XK: variants seen among roughly 807,000 people sequenced by gnomAD.
XK encodes the protein X-linked Kx blood group antigen, Kell and VPS13A binding protein, also known as endoplasmic reticulum membrane adapter protein XK.
XK carries 2 observed loss-of-function variants against 14.0 expected under a neutral mutation model. That is an observed-to-expected ratio of 0.14 (90% CI 0.06 to 0.45). The LOEUF (loss-of-function observed/expected upper bound fraction) is 0.45. XK is among the 20% of genes least tolerant of loss of function. XK has a pLI of 0.98. For synonymous variants in XK, 149 were observed against 147.5 expected, an observed-to-expected ratio of 1.01 and a Z score of -0.08; for missense variants, 235 against 341.5, an observed-to-expected ratio of 0.69 and a Z score of 2.46.
chrX:37,711,325 C>T (rs782059800), intron 2 of XK, among the ~76,000 whole-genome samples: 5 of 112,025 alleles, frequency 4.5e-5, no homozygotes, highest in Non-Finnish European at 9.4e-5. Flanking sequence ...TATCCTATCT[C>T]GAGCATGTGT....
At position 37,728,475 on chromosome X, in the gene XK, T is replaced by A; in HGVS notation, c.*13T>A. On this transcript the variant is annotated 3_prime_UTR_variant, in exon 3 of 3. Coordinates refer to ENST00000378616, the MANE Select transcript of XK (RefSeq NM_021083.4). ...CTGCTCTGCTTAATGGGACCCAAGG[T>A]CTCAGAGCACAGGCATATTATTTTC... 2 of 1,197,008 alleles carry A rather than the reference T, an allele frequency of 1.7e-6. No individual in the cohort carries two copies. Among genetic ancestry groups the A allele is most frequent in the Non-Finnish European group, 2.3e-6 (2 of 886,318 alleles).
chrX:37,718,905 G>T lies in XK; in HGVS notation c.509-8731G>T, dbSNP rs537871419. Reference sequence around the variant, plus strand: ...GTGAAATGACTGTTCAGGTATTTTCGCTCATTACAAAACTGAGTTGTATTT... The same window carrying T: ...GTGAAATGACTGTTCAGGTATTTTCTCTCATTACAAAACTGAGTTGTATTT... On this transcript the variant is annotated intron_variant, in intron 2 of 2. Coordinates refer to ENST00000378616, the MANE Select transcript of XK (RefSeq NM_021083.4). 2.7e-5 allele frequency among the ~76,000 whole-genome samples: 3 copies of T among 110,836 alleles called. No individual in the cohort carries two copies. The East Asian group carries it at 8.5e-4, about 31-fold the overall frequency.
Position 37,686,117 on chromosome X carries a change from G to A in XK, c.156G>A (p.Gln52=). ...CGCTACTGCCTTGCGCGCTCGTGCAGCTCACGCTTCTCTTCGTACACCGCG... is the reference window on the plus strand; with the variant it reads ...CGCTACTGCCTTGCGCGCTCGTGCAACTCACGCTTCTCTTCGTACACCGCG... ...LFSLLPCALV[Q]LTLLFVHRDL... Residue 52 remains glutamine (Q), a synonymous_variant, in exon 1 of 3, where the codon CAG becomes CAA. Coordinates refer to ENST00000378616, the MANE Select transcript of XK (RefSeq NM_021083.4). The A allele has an allele frequency of 2.5e-6, 3 of 1,211,277 alleles. No homozygotes were observed. Among genetic ancestry groups the A allele is most frequent in the Non-Finnish European group, 3.4e-6 (3 of 895,279 alleles).
intron 2 of XK, among the ~76,000 whole-genome samples, chrX:37,715,104 GTATA>G (rs1182651525): frequency 7.2e-4 from 78 of 108,649 alleles, no homozygotes; most frequent in Non-Finnish European, 1.2e-3. Flanking sequence ...GTGTGTGTGT[GTATA>G]TATATATATT....
chrX:37,719,548 G>A (rs1556448505), intron 2 of XK, among the ~76,000 whole-genome samples: 1 of 110,438 alleles, frequency 9.1e-6, no homozygotes, highest in African/African-American at 3.3e-5. Flanking sequence ...ACCTTCTAGT[G>A]AGTACTAATT....
chrX:37,730,088 C>T lies in XK; in HGVS notation c.*1626C>T, dbSNP rs1928056692. 9.0e-6 allele frequency: 1 copy of T among 111,544 alleles called. No individual in the cohort carries two copies. Among genetic ancestry groups the T allele is most frequent in the South Asian group, 3.7e-4 (1 of 2,685 alleles). The allele number at this position is 111,544 out of a possible 1,213,427, so 9.2% of individuals were successfully genotyped here. A position where few individuals can be genotyped will look rare whatever the true frequency, so the allele number is the denominator to read the frequency against. On this transcript the variant is annotated 3_prime_UTR_variant, in exon 3 of 3. Coordinates refer to ENST00000378616, the MANE Select transcript of XK (RefSeq NM_021083.4). ...ATAGAGCCTCAATTTTGGTTTTTCT[C>T]ATTTGAAATGTTTTTGATTTATCAA...
chrX:37,707,534 C>T (rs1354845940), intron 2 of XK, among the ~76,000 whole-genome samples: 1,909 of 93,627 alleles, frequency 0.02, 55 homozygotes, highest in African/African-American at 0.072. Context: ...TCAGACGGGG[C>T]GGCTGCCGGG....
chrX:37,705,313 G>A (rs782045022), intron 2 of XK, among the ~76,000 whole-genome samples: 6 of 109,823 alleles, frequency 5.5e-5, no homozygotes, highest in South Asian at 3.9e-4. Flanking sequence ...TTAGCCGGGC[G>A]TGGTGGCGGG....
At chrX:37,686,440 A>C (rs1927078411) in intron 1 of XK, among the ~76,000 whole-genome samples, 1 of 112,321 alleles carries the variant, frequency 8.9e-6, no homozygotes, top group Non-Finnish European at 1.9e-5. Context: ...GTCAAATGAA[A>C]TAGCCAACAT....
At chrX:37,699,133 G>A (rs1390763402) in intron 2 of XK, among the ~76,000 whole-genome samples, 2 of 112,643 alleles carry the variant, frequency 1.8e-5, no homozygotes, top group African/African-American at 3.2e-5. Context: ...TAGTTGTCAA[G>A]GTGAGAATAA....
intron 2 of XK, among the ~76,000 whole-genome samples, chrX:37,704,057 C>A (rs1034801060): frequency 6.3e-5 from 7 of 111,821 alleles, no homozygotes; most frequent in African/African-American, 2.3e-4. Context: ...TGTCCACTAA[C>A]CATTATCTTA....
At chrX:37,689,777 A>G (rs993740196) in intron 1 of XK, among the ~76,000 whole-genome samples, 2 of 112,339 alleles carry the variant, frequency 1.8e-5, no homozygotes, top group Admixed American at 9.4e-5. Context: ...ATTTATTTAT[A>G]ATTTTAAGGA....
chrX:37,717,891 A>G (rs1306872584), intron 2 of XK, among the ~76,000 whole-genome samples: 1 of 111,786 alleles, frequency 8.9e-6, no homozygotes, highest in Non-Finnish European at 1.9e-5. Flanking sequence ...TAATCTAAAT[A>G]GGGGTTTATG....
chrX:37,691,109 C>T (rs1198534784), intron 1 of XK, among the ~76,000 whole-genome samples: 4 of 112,176 alleles, frequency 3.6e-5, no homozygotes, highest in African/African-American at 1.3e-4. Context: ...CAAGAGGTTC[C>T]GCCTGAGCTT....
chrX:37,698,760 C>T (rs962152371), intron 2 of XK, among the ~76,000 whole-genome samples: 87 of 110,899 alleles, frequency 7.8e-4, no homozygotes, highest in African/African-American at 2.6e-3. Context: ...GATATATAAA[C>T]ATCACACAAA....
chrX:37,707,241 G>T (rs782526275), intron 2 of XK, among the ~76,000 whole-genome samples: 40 of 110,204 alleles, frequency 3.6e-4, no homozygotes, highest in South Asian at 1.2e-3. Flanking sequence ...CCCGGACGGG[G>T]CGGCTGGCCG....
chrX:37,709,795 T>C (rs987795935), intron 2 of XK, among the ~76,000 whole-genome samples: 2 of 112,107 alleles, frequency 1.8e-5, no homozygotes, highest in African/African-American at 6.5e-5. Context: ...TATAATCTAA[T>C]ATATTAGTAC....
At chrX:37,687,615 C>T (rs782208136) in intron 1 of XK, among the ~76,000 whole-genome samples, 3 of 110,255 alleles carry the variant, frequency 2.7e-5, no homozygotes, top group Admixed American at 9.6e-5. Flanking sequence ...CTGCCCAGGC[C>T]TCCCAAAGTG....
chrX:37,702,797 T>A (rs1927440434), intron 2 of XK, among the ~76,000 whole-genome samples: 1 of 112,739 alleles, frequency 8.9e-6, no homozygotes, highest in African/African-American at 3.2e-5. Context: ...CTCAGAACAA[T>A]CAATCTCATT....
Sources: gnomAD v4.1 joint callset for allele counts (sites outside exome capture counted in the v4.1 genomes callset) on GRCh38, gnomAD v4.1.1 for gene constraint, MANE v1.5 for transcripts, NCBI Gene and HGNC (gene_info 2026-07-23, HGNC 2026-07-21) for gene names.